PLD5: variants seen among roughly 807,000 people sequenced by gnomAD.
The protein encoded by PLD5 is phospholipase D family member 5, also known as inactive phospholipase D5.
A neutral mutation model predicts 61.1 loss-of-function variants in PLD5; 36 were observed. The ratio of observed to expected loss-of-function variants is 0.59; its 90% CI spans 0.45 to 0.78. The LOEUF (loss-of-function observed/expected upper bound fraction) is 0.78. Ranked by LOEUF, PLD5 falls within the 30% of genes least tolerant of loss-of-function variation. PLD5 has a pLI of 0.00. For missense variants in PLD5, 515 were observed against 644.4 expected, an observed-to-expected ratio of 0.80 and a Z score of 2.17; for synonymous variants, 243 against 242.8, an observed-to-expected ratio of 1.00 and a Z score of -0.01.
At chr1:242,459,906 G>A (rs1393316705) in intron 1 of PLD5, among the ~76,000 whole-genome samples, 3 of 152,258 alleles carry the variant, frequency 2.0e-5, no homozygotes, top group East Asian at 1.9e-4. Flanking sequence ...TCATCTTGCC[G>A]CGGCTCTTCT....
At chr1:242,472,497 A>T (rs933658772) in intron 1 of PLD5, among the ~76,000 whole-genome samples, 9 of 152,200 alleles carry the variant, frequency 5.9e-5, no homozygotes, top group African/African-American at 2.2e-4. Context: ...CTGCTTACAT[A>T]TTGCTGTGTA....
intron 1 of PLD5, among the ~76,000 whole-genome samples, chr1:242,428,869 T>C (rs934912871): frequency 6.6e-6 from 1 of 152,198 alleles, no homozygotes; most frequent in African/African-American, 2.4e-5. Context: ...TATTTAAGCA[T>C]GACAAAGAAA....
chr1:242,404,065 G>A (rs1347590492), intron 1 of PLD5, among the ~76,000 whole-genome samples: 1 of 152,168 alleles, frequency 6.6e-6, no homozygotes, highest in African/African-American at 2.4e-5. Context: ...CAGTGCTGGA[G>A]ATAGAGCTGT....
chr1:242,394,184 G>GTA (rs1553366262), intron 1 of PLD5, among the ~76,000 whole-genome samples: 9 of 61,508 alleles, frequency 1.5e-4, no homozygotes, highest in African/African-American at 1.8e-4. Flanking sequence ...GTATATATGA[G>GTA]TATATATGAG....
intron 3 of PLD5, among the ~76,000 whole-genome samples, chr1:242,286,663 A>C (rs1490143776): frequency 1.3e-5 from 2 of 152,218 alleles, no homozygotes; most frequent in Admixed American, 1.3e-4. Flanking sequence ...TTGTCTAAAA[A>C]GTATAAAAAC....
intron 2 of PLD5, among the ~76,000 whole-genome samples, chr1:242,339,958 T>A (rs1225077225): frequency 6.6e-6 from 1 of 152,156 alleles, no homozygotes; most frequent in African/African-American, 2.4e-5. Flanking sequence ...TTAACATCAT[T>A]AATTAAACAT....
intron 1 of PLD5, among the ~76,000 whole-genome samples, chr1:242,413,074 C>T (rs1664641054): frequency 6.6e-6 from 1 of 152,118 alleles, no homozygotes; most frequent in African/African-American, 2.4e-5. Context: ...GTGATATGAG[C>T]CTCACAAGTT....
intron 1 of PLD5, among the ~76,000 whole-genome samples, chr1:242,429,098 G>A (rs559965332): frequency 3.2e-4 from 48 of 152,268 alleles, no homozygotes; most frequent in African/African-American, 1.1e-3. Context: ...AAAGTTGAAT[G>A]ACCACGAAAA....
chr1:242,261,779 A>G (rs71650661), intron 4 of PLD5, among the ~76,000 whole-genome samples: 1 of 152,302 alleles, frequency 6.6e-6, no homozygotes, highest in South Asian at 2.1e-4. Context: ...TATTAAAGAT[A>G]CAACATGATA....
chr1:242,160,696 CCAA>C (rs1316998620), intron 5 of PLD5, among the ~76,000 whole-genome samples: 2 of 151,782 alleles, frequency 1.3e-5, no homozygotes, highest in Non-Finnish European at 2.9e-5. Flanking sequence ...ACCAGCCTGG[CCAA>C]CATGGTGAAA....
At chr1:242,352,980 C>A in intron 1 of PLD5, among the ~76,000 whole-genome samples, 1 of 152,122 alleles carries the variant, frequency 6.6e-6, no homozygotes, top group East Asian at 1.9e-4. Context: ...TTCTCCTAAT[C>A]CCTAGGTTGT....
chr1:242,387,743 A>AAAATTTTATCTATT (rs1317275360), intron 1 of PLD5, among the ~76,000 whole-genome samples: 12 of 149,074 alleles, frequency 8.0e-5, no homozygotes, highest in Admixed American at 3.3e-4. Flanking sequence ...TATTTTATAT[A>AAAATTTTATCTATT]TGATATATAT....
At chr1:242,499,508 T>C (rs1668483073) in intron 1 of PLD5, among the ~76,000 whole-genome samples, 1 of 152,206 alleles carries the variant, frequency 6.6e-6, no homozygotes, top group South Asian at 2.1e-4. Flanking sequence ...TATGATTATG[T>C]CCGTGGCCTT....
rs113324354 is a variant in PLD5, at chr1:242,196,401, G to A, written c.735+23587C>T. On this transcript the variant is annotated intron_variant, in intron 5 of 9. Transcript: ENST00000536534. ...TACCCTGCAGGTGCAGGCTCGGATC[G>A]GCATTACTGTGGCACTTACTATTTA... Among the ~76,000 whole-genome samples, 110 of 152,174 alleles carry A rather than the reference G, an allele frequency of 7.2e-4. 3 individuals carry two copies. The South Asian group carries it at 0.016, about 22-fold the overall frequency.
chr1:242,331,694 T>C (rs1161131906), intron 2 of PLD5, among the ~76,000 whole-genome samples: 1 of 152,152 alleles, frequency 6.6e-6, no homozygotes, highest in Non-Finnish European at 1.5e-5. Context: ...TGAGTGTGTC[T>C]TATATTGTTC....
chr1:242,480,646 TTAA>T (rs555878303), intron 1 of PLD5, among the ~76,000 whole-genome samples: 94 of 152,306 alleles, frequency 6.2e-4, no homozygotes, highest in African/African-American at 2.1e-3. Context: ...TCTCTTAATA[TTAA>T]TAATAAGACC....
chr1:242,128,226 G>T (rs576063614), intron 5 of PLD5, among the ~76,000 whole-genome samples: 1 of 151,858 alleles, frequency 6.6e-6, no homozygotes, highest in African/African-American at 2.4e-5. Context: ...GATCCCTTGA[G>T]CCCAGGAGTT....
intron 1 of PLD5, among the ~76,000 whole-genome samples, chr1:242,451,942 AC>A (rs903859980): frequency 1.1e-3 from 166 of 151,978 alleles, no homozygotes; most frequent in African/African-American, 3.9e-3. Context: ...GCTCACCAAT[AC>A]CTCCAGGCCT....
chr1:242,309,404 T>A (rs75344247), intron 2 of PLD5, among the ~76,000 whole-genome samples: 1 of 145,812 alleles, frequency 6.9e-6, no homozygotes, highest in Non-Finnish European at 1.5e-5. Context: ...TTTTTTTTTT[T>A]TAAGATGGAG....
Sources: allele counts gnomAD v4.1 joint callset (sites outside exome capture counted in the v4.1 genomes callset), GRCh38; gene constraint gnomAD v4.1.1; transcripts MANE v1.5; gene names NCBI Gene and HGNC (gene_info 2026-07-23, HGNC 2026-07-21).